CXorf38: variants seen among roughly 807,000 people sequenced by gnomAD.
CXorf38 encodes chromosome X open reading frame 38, also known as uncharacterized protein CXorf38.
A neutral mutation model predicts 27.5 loss-of-function variants in CXorf38; 13 were observed. The observed-to-expected ratio is 0.47, with a 90% CI of 0.31 to 0.75. CXorf38 has a LOEUF of 0.75. Ranked by LOEUF, CXorf38 falls within the 30% of genes least tolerant of loss-of-function variation. The pLI is 0.05. For missense variants in CXorf38, 240 were observed against 253.2 expected (o/e 0.95, Z 0.35); for synonymous variants, 100 against 99.8 (o/e 1.00, Z -0.01).
intron 5 of CXorf38, among the ~76,000 whole-genome samples, chrX:40,631,274 C>CACACAG (rs1927786994): frequency 1.0e-5 from 1 of 99,154 alleles, no homozygotes; most frequent in African/African-American, 3.9e-5. Context: ...CACACACACA[C>CACACAG]ACACACACAC....
chrX:40,633,666 C>G (rs1444774816), intron 5 of CXorf38, among the ~76,000 whole-genome samples: 1 of 111,881 alleles, frequency 8.9e-6, no homozygotes, highest in Non-Finnish European at 1.9e-5. Context: ...CTATCCTTTC[C>G]CCAATGGCCT....
At chrX:40,639,221 C>T (rs1239580435) in intron 2 of CXorf38, 93 bp from the exon 3 acceptor site, 16 of 965,696 alleles carry the variant, frequency 1.7e-5, no homozygotes, top group Non-Finnish European at 2.3e-5. Context: ...CAAATGATGA[C>T]TGAAGTTCTC....
intron 2 of CXorf38, among the ~76,000 whole-genome samples, chrX:40,642,332 G>A (rs1928361287): frequency 9.0e-6 from 1 of 111,454 alleles, no homozygotes; most frequent in African/African-American, 3.3e-5. Context: ...GCAGTTGGAT[G>A]TGTGCGTCTA....
chrX:40,642,126 AAAG>A (rs1345914413), intron 2 of CXorf38, among the ~76,000 whole-genome samples: 1 of 111,266 alleles, frequency 9.0e-6, no homozygotes, highest in African/African-American at 3.3e-5. Flanking sequence ...TGGAGATGGA[AAAG>A]AAGATTCCAA....
rs945585403 is a variant in CXorf38, at chrX:40,639,042, A to C, written c.438T>G (p.Asp146Glu). The C allele has an allele frequency of 3.3e-6, 4 of 1,209,774 alleles. No homozygotes were observed. The highest frequency in any genetic ancestry group is 4.5e-6 in the Non-Finnish European group (4 of 894,919). The change falls in exon 3 of 7, where the codon GAT becomes GAG. Residue 146 changes from aspartate to glutamate, a missense_variant. Physicochemically the swap from Asp to Glu is conservative, Grantham distance 45. Transcript: ENST00000327877. ...VALLSLINSC[D>E]HFVVDRKKVT... is the part of the protein sequence containing the mutation. ...CTTTCTTTCGATCAACCACGAAGTGATCGCAGGAGTTGATGAGACTTAAAA... is the reference window on the plus strand; with the variant it reads ...CTTTCTTTCGATCAACCACGAAGTGCTCGCAGGAGTTGATGAGACTTAAAA...
rs777893173 is a variant in CXorf38, at chrX:40,647,488, G to A, written c.33C>T (p.Asn11=). The part of the protein sequence containing the change: MVLSELAARL[N]CAEYKNWVKA... The stretch of plus-strand genomic sequence containing the variant: ...TCACCCAGTTCTTGTACTCGGCGCA[G>A]TTGAGGCGCGCCGCTAGCTCCGACA... Residue 11 remains asparagine, a synonymous_variant, in exon 1 of 7, where the codon AAC becomes AAT. Coordinates refer to ENST00000327877, the MANE Select transcript of CXorf38 (RefSeq NM_144970.3). 22 of 1,186,744 alleles carry A rather than the reference G, an allele frequency of 1.9e-5. No homozygotes were observed. Among genetic ancestry groups the A allele is most frequent in the Non-Finnish European group, 2.0e-5 (18 of 886,572 alleles).
chrX:40,641,092 C>T (rs1928301420), intron 2 of CXorf38, among the ~76,000 whole-genome samples: 1 of 111,007 alleles, frequency 9.0e-6, no homozygotes, highest in African/African-American at 3.3e-5. Flanking sequence ...TCGCACACGC[C>T]TGTAGTACCA....
intron 4 of CXorf38, 96 bp downstream of exon 4, chrX:40,636,911 G>A: frequency 2.2e-6 from 2 of 905,552 alleles, no homozygotes; most frequent in African/African-American, 4.0e-5. Context: ...CTAACACTTA[G>A]GTTAAATCTA....
Position 40,647,030 on chromosome X carries a change from C to T in CXorf38, c.328G>A (p.Val110Met), listed in dbSNP as rs761110465. 2.5e-6 allele frequency: 3 copies of T among 1,211,799 alleles called. No individual in the cohort carries two copies. Among genetic ancestry groups the T allele is most frequent in the African/African-American group, 1.7e-5 (1 of 57,967 alleles). The change falls in exon 2 of 7, where the codon GTG becomes ATG. Residue 110 changes from valine to methionine, a missense_variant. By Grantham distance (21) the Val-to-Met change is conservative. Coordinates refer to ENST00000327877, the MANE Select transcript of CXorf38 (RefSeq NM_144970.3). ...WGNCRPGRWP[V>M]DAWEVAKAFM... is the part of the protein sequence containing the mutation. ...ACCTTGGCCACCTCCCAGGCGTCCA[C>T]GGGCCAGCGGCCCGGCCGGCAGTTT... is the stretch of plus-strand genomic sequence containing the variant.
At chrX:40,639,879 T>A in intron 2 of CXorf38, 1 of 123,849 alleles carries the variant, frequency 8.1e-6, no homozygotes, top group Non-Finnish European at 1.6e-5. Context: ...ATCTTGCCTT[T>A]AGTAGGAATT....
At chrX:40,631,753 T>C (rs1014434819) in intron 5 of CXorf38, among the ~76,000 whole-genome samples, 3 of 112,202 alleles carry the variant, frequency 2.7e-5, no homozygotes, top group Non-Finnish European at 5.6e-5. Flanking sequence ...ATGCAGTAGG[T>C]CTGGGGTGGA....
chrX:40,645,064 GGCTA>G (rs1299070396), intron 2 of CXorf38, among the ~76,000 whole-genome samples: 3 of 112,064 alleles, frequency 2.7e-5, no homozygotes, highest in Non-Finnish European at 5.6e-5. Context: ...ATGGAATCTG[GGCTA>G]GCTGAGGTGA....
rs781024240 is a variant in CXorf38, at chrX:40,630,794, A to G, written c.802-21T>C. The G allele has an allele frequency of 1.5e-5, 18 of 1,200,375 alleles. No individual in the cohort carries two copies. In the African/African-American group the frequency reaches 2.8e-4, roughly 19 times the overall value. ...GAGAGCTGCAAGAGGAAACCATGCA[A>G]TGTACAGCTTAGACGATTTTATAGC... On this transcript the variant is annotated intron_variant, in intron 5 of 6. Coordinates refer to ENST00000327877, the MANE Select transcript of CXorf38 (RefSeq NM_144970.3).
chrX:40,632,543 T>G (rs1927869105), intron 5 of CXorf38, among the ~76,000 whole-genome samples: 2 of 111,331 alleles, frequency 1.8e-5, no homozygotes, highest in African/African-American at 6.5e-5. Context: ...GTGTTCTGGC[T>G]GGGGTGATTA....
intron 2 of CXorf38, among the ~76,000 whole-genome samples, chrX:40,644,860 G>C (rs1928504709): frequency 8.9e-6 from 1 of 112,102 alleles, no homozygotes; most frequent in Non-Finnish European, 1.9e-5. Flanking sequence ...CTGAAGCCTA[G>C]AGAGAGATGT....
At chrX:40,641,170 T>C (rs1928304498) in intron 2 of CXorf38, among the ~76,000 whole-genome samples, 1 of 110,641 alleles carries the variant, frequency 9.0e-6, no homozygotes, top group Non-Finnish European at 1.9e-5. Context: ...TGAATCAAGA[T>C]TGTGTAACTG....
In CXorf38 at chrX:40,641,089, C is replaced by T. The variant is rs73624916; in HGVS notation, c.352-1961G>A. The stretch of plus-strand genomic sequence containing the variant: ...AAAATTAGTCAGGCATAGTCGCACA[C>T]GCCTGTAGTACCAGCTACTTCGGAG... On this transcript the variant is annotated intron_variant, in intron 2 of 6. Transcript: ENST00000327877. Among the ~76,000 whole-genome samples, 700 of 110,728 alleles carry T rather than the reference C, an allele frequency of 6.3e-3. 6 individuals are homozygous for T. The highest frequency in any genetic ancestry group is 0.021 in the African/African-American group (635 of 30,419).
intron 3 of CXorf38, among the ~76,000 whole-genome samples, chrX:40,637,778 G>A (rs1336195835): frequency 8.9e-6 from 1 of 112,002 alleles, no homozygotes; most frequent in South Asian, 3.7e-4. Context: ...GCAACAATTC[G>A]GCCTTTTCTC....
At position 40,629,019 on chromosome X, in the gene CXorf38, G is replaced by GTT. The variant is rs544265389; in HGVS notation, c.*1143_*1144dup. ...CAACCTAGTAGTAACAGTTTTTGGG[G>GTT]TTTTTTTTTTTTTGAGACAGGGTCT... is the stretch of plus-strand genomic sequence containing the variant. On this transcript the variant is annotated 3_prime_UTR_variant, in exon 7 of 7. Transcript: ENST00000327877. 27 of 101,448 alleles carry GTT rather than the reference G, an allele frequency of 2.7e-4. No homozygotes were observed. Among genetic ancestry groups the GTT allele is most frequent in the South Asian group, 1.3e-3 (3 of 2,266 alleles). The allele number at this position is 101,448 out of a possible 1,213,427, so 8.4% of individuals were successfully genotyped here.
Sources: gnomAD v4.1 joint callset for allele counts (sites outside exome capture counted in the v4.1 genomes callset) on GRCh38, gnomAD v4.1.1 for gene constraint, MANE v1.5 for transcripts, NCBI Gene and HGNC (gene_info 2026-07-23, HGNC 2026-07-21) for gene names.